STOX2: variants seen among roughly 807,000 people sequenced by gnomAD.
STOX2 encodes storkhead-box protein 2.
Under a neutral mutation model 60.9 loss-of-function variants are expected in STOX2, and 28 were observed. The observed-to-expected ratio is 0.46, with a 90% CI of 0.34 to 0.63. The LOEUF is 0.63. Among genes scored for constraint, STOX2 ranks in the 30% least tolerant of loss-of-function variants. The pLI, the probability that STOX2 is intolerant of heterozygous loss-of-function variation, is 0.01. For synonymous variants in STOX2, 472 were observed against 463.9 expected (o/e 1.02, Z -0.22); for missense variants, 1,024 against 1,187.7 (o/e 0.86, Z 2.03).
At chr4:183,941,504 G>A (rs1742753057) in intron 1 of STOX2, among the ~76,000 whole-genome samples, 1 of 152,166 alleles carries the variant, frequency 6.6e-6, no homozygotes, top group Non-Finnish European at 1.5e-5. Context: ...GGAGGCAGAG[G>A]CTGCAGTGAG....
intron 1 of STOX2, among the ~76,000 whole-genome samples, chr4:183,858,582 T>G (rs886536826): frequency 6.6e-6 from 1 of 150,732 alleles, no homozygotes; most frequent in African/African-American, 2.4e-5. Flanking sequence ...AATTAGAAAA[T>G]AGAGAAAAAG....
intron 1 of STOX2, among the ~76,000 whole-genome samples, chr4:183,962,269 C>T (rs563261626): frequency 6.6e-6 from 1 of 152,214 alleles, no homozygotes; most frequent in East Asian, 1.9e-4. Context: ...GTAGAAATCA[C>T]ATTTCTTAAT....
intron 1 of STOX2, among the ~76,000 whole-genome samples, chr4:183,995,323 T>A (rs1733291377): frequency 2.3e-5 from 1 of 43,426 alleles, no homozygotes; most frequent in South Asian, 7.8e-4. Flanking sequence ...TTTTTTTTTT[T>A]GCACAAATAG....
Position 183,806,968 on chromosome 4 carries a change from C to T in STOX2, c.364+8913C>T, listed in dbSNP as rs756973613. ...TGTGAGTCCCAGATGCTTTCTGACACTTTCTTTTTTTCTTTTTTTTTTGAG... is the reference window on the plus strand; with the variant it reads ...TGTGAGTCCCAGATGCTTTCTGACATTTTCTTTTTTTCTTTTTTTTTTGAG... On this transcript the variant is annotated intron_variant, in intron 1 of 2. Transcript: ENST00000513034. The surrounding 1 kb of genome is among the most constrained non-coding windows in gnomAD (Gnocchi z 4.1). Among the ~76,000 whole-genome samples, 31 of 74,010 alleles carry T rather than the reference C, an allele frequency of 4.2e-4. No homozygotes were observed. In the South Asian group the frequency reaches 4.5e-3, roughly 11 times the overall value. 48.6% of individuals were successfully genotyped at this position (74,010 alleles called of 152,430 possible).
chr4:183,962,457 G>C (rs1481725586), intron 1 of STOX2, among the ~76,000 whole-genome samples: 4 of 151,946 alleles, frequency 2.6e-5, no homozygotes, highest in African/African-American at 9.7e-5. Flanking sequence ...AAATTAATAC[G>C]TTAAAGATTA....
At chr4:183,824,433 A>G (rs1015038443) in intron 1 of STOX2, among the ~76,000 whole-genome samples, 1 of 152,182 alleles carries the variant, frequency 6.6e-6, no homozygotes, top group Non-Finnish European at 1.5e-5. Flanking sequence ...TTGAAAAGGC[A>G]CGCTGGAGAG....
At chr4:183,892,403 C>T (rs1272926160) in intron 1 of STOX2, among the ~76,000 whole-genome samples, 1 of 152,160 alleles carries the variant, frequency 6.6e-6, no homozygotes, top group Non-Finnish European at 1.5e-5. Context: ...CTCAGCCTCC[C>T]GAGTAGCTGG....
In STOX2 at chr4:184,002,467, C is replaced by T. The variant is rs572778516; in HGVS notation, c.319+990C>T. On this transcript the variant is annotated intron_variant, in intron 2 of 3. Coordinates refer to ENST00000308497, the MANE Select transcript of STOX2 (RefSeq NM_020225.3). Reference sequence around the variant, plus strand: ...ACAAACAACTACAGAACATCAAAGGCCTACGGCAACAAGAGTTGATTTCAT... The same window carrying T: ...ACAAACAACTACAGAACATCAAAGGTCTACGGCAACAAGAGTTGATTTCAT... 3.5e-4 allele frequency among the ~76,000 whole-genome samples: 53 copies of T among 152,318 alleles called. 1 individual carries two copies. The South Asian group carries it at 0.011, about 32-fold the overall frequency.
chr4:183,903,418 G>A (rs1264759896), upstream of STOX2, among the ~76,000 whole-genome samples: 1 of 152,108 alleles, frequency 6.6e-6, no homozygotes, highest in Non-Finnish European at 1.5e-5. Flanking sequence ...CAGCTCAACT[G>A]TCATTTCTTA....
At chr4:184,005,457 CAAA>C (rs60307441) in intron 2 of STOX2, among the ~76,000 whole-genome samples, 145 of 59,262 alleles carry the variant, frequency 2.4e-3, no homozygotes, top group Middle Eastern at 0.011. Context: ...GACGATATCT[CAAA>C]AAAAAAAAAA....
intron 1 of STOX2, among the ~76,000 whole-genome samples, chr4:183,846,815 T>C (rs1740001201): frequency 6.6e-6 from 1 of 152,200 alleles, no homozygotes; most frequent in Non-Finnish European, 1.5e-5. Context: ...GGTCATACTT[T>C]CTTGCATGCC....
At chr4:183,810,988 T>G in intron 1 of STOX2, among the ~76,000 whole-genome samples, 2 of 149,754 alleles carry the variant, frequency 1.3e-5, no homozygotes, top group African/African-American at 4.9e-5. Flanking sequence ...ACGTCGGGGG[T>G]GGTGGGGGAT....
intron 1 of STOX2, among the ~76,000 whole-genome samples, chr4:183,882,508 A>G (rs2111173791): frequency 6.6e-6 from 1 of 152,316 alleles, no homozygotes; most frequent in African/African-American, 2.4e-5. Context: ...TTTTGAGTAT[A>G]CCTTTAGCTG....
rs1165893812 is a variant in STOX2, at chr4:184,006,932, C to G, written c.320-2226C>G. ...TTGGGAGGCTGAGGCAGGAGAATGGCGTGAACCCAGGAGGCGGAGCTTGCA... is the reference window on the plus strand; with the variant it reads ...TTGGGAGGCTGAGGCAGGAGAATGGGGTGAACCCAGGAGGCGGAGCTTGCA... On this transcript the variant is annotated intron_variant, in intron 2 of 3. Transcript: ENST00000308497. 2.9e-5 allele frequency among the ~76,000 whole-genome samples: 4 copies of G among 138,302 alleles called. No individual in the cohort carries two copies. The East Asian group carries it at 6.5e-4, about 23-fold the overall frequency. 90.7% of individuals were successfully genotyped at this position (138,302 alleles called of 152,430 possible).
At chr4:183,820,053 C>A (rs572515876) in intron 1 of STOX2, among the ~76,000 whole-genome samples, 2 of 152,026 alleles carry the variant, frequency 1.3e-5, no homozygotes, top group East Asian at 3.9e-4. Flanking sequence ...TTGAAGTATG[C>A]GCTAGTCACA....
chr4:184,009,787 C>T lies in STOX2; in HGVS notation c.949C>T (p.Arg317Cys), dbSNP rs1734056684. Residue 317 changes from arginine to cysteine, a missense_variant, in exon 3 of 4, where the codon CGC (arginine) becomes TGC (cysteine). Transcript: ENST00000308497. This position sits in a 1 kb window ranked among gnomAD's most constrained non-coding sequence, Gnocchi z 4.0. ...GGAAGTAGAGATGGAAATCATTAGGCGCATTAACCCAGACCTGACCGTGGA... is the reference window on the plus strand; with the variant it reads ...GGAAGTAGAGATGGAAATCATTAGGTGCATTAACCCAGACCTGACCGTGGA... ...PREVEMEIIR[R>C]INPDLTVENV... 1.9e-6 allele frequency: 3 copies of T among 1,612,738 alleles called. No individual in the cohort carries two copies. The highest frequency in any genetic ancestry group is 2.2e-5 in the East Asian group (1 of 44,852).
chr4:183,951,059 CAA>C (rs372087107), intron 1 of STOX2, among the ~76,000 whole-genome samples: 4 of 151,340 alleles, frequency 2.6e-5, no homozygotes, highest in African/African-American at 9.7e-5. Flanking sequence ...ACTAAAAATA[CAA>C]AAAAATTAGC....
At chr4:183,885,330 A>G (rs1299447034) in intron 1 of STOX2, among the ~76,000 whole-genome samples, 2 of 152,158 alleles carry the variant, frequency 1.3e-5, no homozygotes, top group Non-Finnish European at 2.9e-5. Flanking sequence ...ATATAGAGAG[A>G]GCAACAGAGA....
Position 183,825,440 on chromosome 4 carries a change from C to T in STOX2, c.364+27385C>T. ...GATGGCAGCGGTCAGCTCGTGTCAT[C>T]TCCTAGCATCCCTGGACCGCAAAAC... On this transcript the variant is annotated intron_variant, in intron 1 of 2. Coordinates refer to the STOX2 transcript ENST00000513034. The surrounding 1 kb of genome is among the most constrained non-coding windows in gnomAD (Gnocchi z 4.1). Among the ~76,000 whole-genome samples the T allele has an allele frequency of 6.6e-6, 1 of 152,172 alleles. No individual in the cohort carries two copies. Among genetic ancestry groups the T allele is most frequent in the Non-Finnish European group, 1.5e-5 (1 of 68,032 alleles).
Sources: allele counts gnomAD v4.1 joint callset (sites outside exome capture counted in the v4.1 genomes callset), GRCh38; gene constraint gnomAD v4.1.1; non-coding constraint Gnocchi (gnomAD v3.1); transcripts MANE v1.5; gene names NCBI Gene and HGNC (gene_info 2026-07-23, HGNC 2026-07-21).